The following ACBD5 variants were observed in gnomAD, a reference collection of about 807,000 sequenced individuals.
ACBD5 encodes acyl-CoA-binding domain-containing protein 5.
Under a neutral mutation model 71.8 loss-of-function variants are expected in ACBD5, and 40 were observed. The observed-to-expected ratio is 0.56, with a 90% CI of 0.43 to 0.72. The LOEUF (loss-of-function observed/expected upper bound fraction) is 0.72, where lower values mean the gene tolerates loss of function less well. ACBD5 is among the 30% of genes least tolerant of loss of function. The pLI is 0.00. For missense variants in ACBD5, 559 were observed against 644.5 expected (o/e 0.87, Z 1.44); for synonymous variants, 229 against 218.6 (o/e 1.05, Z -0.42).
chr10:27,209,101 T>C (rs1442293266), intron 9 of ACBD5, among the ~76,000 whole-genome samples: 2 of 152,060 alleles, frequency 1.3e-5, no homozygotes, highest in African/African-American at 4.8e-5. Flanking sequence ...CTTTTTTTTT[T>C]TTAAATAGAG....
At position 27,210,832 on chromosome 10, in the gene ACBD5, T is replaced by C; in HGVS notation, c.1186A>G (p.Asn396Asp). The C allele has an allele frequency of 6.2e-7, 1 of 1,614,168 alleles. No homozygotes were observed. The highest frequency in any genetic ancestry group is 8.5e-7 in the Non-Finnish European group (1 of 1,180,020). ...TCCACACCTCTTCCTCTTCTAACAT[T>C]AGAGAATTCGTCAGTTTCTCCGCCT... ...KRGGETDEFS[N>D]VRRGRGHRMQ... Residue 396 changes from asparagine to aspartate, a missense_variant, in exon 9 of 13, where the codon AAT (asparagine) becomes GAT (aspartate). By Grantham distance (23) the Asn-to-Asp change is conservative. Coordinates refer to ENST00000396271, the MANE Select transcript of ACBD5 (RefSeq NM_145698.5).
In ACBD5 at chr10:27,196,384, C is replaced by G. The variant is rs1765105110; in HGVS notation, c.*1046G>C. On this transcript the variant is annotated 3_prime_UTR_variant, in exon 13 of 13. Coordinates refer to ENST00000396271, the MANE Select transcript of ACBD5 (RefSeq NM_145698.5). ...GGGACTTAAATTTCTGTTAGCTGGGCATGCCTTATTCCTATGGAAGCATTT... is the reference window on the plus strand; with the variant it reads ...GGGACTTAAATTTCTGTTAGCTGGGGATGCCTTATTCCTATGGAAGCATTT... 1 of 454,098 alleles carries G rather than the reference C, an allele frequency of 2.2e-6. No homozygotes were observed. The highest frequency in any genetic ancestry group is 4.4e-6 in the Non-Finnish European group (1 of 226,778). The allele number at this position is 454,098 out of a possible 1,614,324, so 28.1% of individuals were successfully genotyped here. A position where few individuals can be genotyped will look rare whatever the true frequency, so the allele number is the denominator to read the frequency against.
intron 3 of ACBD5, 64 bp from the exon 4 acceptor site, chr10:27,231,884 T>C: frequency 6.9e-7 from 1 of 1,457,582 alleles, no homozygotes. Flanking sequence ...CAGAATACAA[T>C]TTATAGTTGA....
intron 3 of ACBD5, among the ~76,000 whole-genome samples, chr10:27,234,011 T>C (rs1306323457): frequency 6.6e-6 from 1 of 151,762 alleles, no homozygotes; most frequent in Admixed American, 6.6e-5. Flanking sequence ...GCCATTGCAC[T>C]CCAGCCTGGG....
intron 10 of ACBD5, among the ~76,000 whole-genome samples, chr10:27,207,286 CATAATAATAATA>C (rs10676608): frequency 4.1e-5 from 6 of 146,020 alleles, no homozygotes; most frequent in Non-Finnish European, 9.0e-5. Flanking sequence ...AAAAAAAACC[CATAATAATAATA>C]ATAATAATAA....
intron 8 of ACBD5, among the ~76,000 whole-genome samples, chr10:27,214,429 G>T (rs1018237203): frequency 1.3e-5 from 2 of 151,912 alleles, no homozygotes; most frequent in Admixed American, 1.3e-4. Flanking sequence ...TGCCCAGGCT[G>T]GTCTCAAACT....
chr10:27,194,338 C>T (rs1040907268), downstream of ACBD5, among the ~76,000 whole-genome samples: 5 of 150,850 alleles, frequency 3.3e-5, no homozygotes, highest in East Asian at 2.0e-4. Context: ...GGGCTGGGTG[C>T]GGTGACTCAC....
chr10:27,208,655 T>G (rs2060733437), intron 9 of ACBD5, among the ~76,000 whole-genome samples: 1 of 152,082 alleles, frequency 6.6e-6, no homozygotes, highest in Non-Finnish European at 1.5e-5. Context: ...CTGGCCAACA[T>G]GGCAAAACCC....
chr10:27,212,177 C>T (rs1255044037), intron 8 of ACBD5, among the ~76,000 whole-genome samples: 1 of 152,180 alleles, frequency 6.6e-6, no homozygotes, highest in Admixed American at 6.5e-5. Context: ...GACGAGACCC[C>T]GTCTTTACTA....
chr10:27,239,801 C>G (rs1378023404), intron 2 of ACBD5, among the ~76,000 whole-genome samples: 3 of 152,136 alleles, frequency 2.0e-5, no homozygotes, highest in Non-Finnish European at 4.4e-5. Flanking sequence ...GGCTGGAGTG[C>G]AGTGGCACGA....
In ACBD5 at chr10:27,197,367, CA is replaced by C; in HGVS notation, c.*62del. 6.6e-7 allele frequency: 1 copy of C among 1,509,248 alleles called. No individual in the cohort carries two copies. Among genetic ancestry groups the C allele is most frequent in the Admixed American group, 1.7e-5 (1 of 59,476 alleles). The allele number at this position is 1,509,248 out of a possible 1,614,324, so 93.5% of individuals were successfully genotyped here. Reference sequence around the variant, plus strand: ...AACTAAGATTTTCTTGTGAACACCACAATCCAGTTCATTCTGAGGTCATCCA... The same window carrying C: ...AACTAAGATTTTCTTGTGAACACCACATCCAGTTCATTCTGAGGTCATCCA... On this transcript the variant is annotated 3_prime_UTR_variant, in exon 13 of 13. Transcript: ENST00000396271.
intron 7 of ACBD5, among the ~76,000 whole-genome samples, chr10:27,216,036 G>A (rs899482674): frequency 6.6e-5 from 10 of 151,928 alleles, no homozygotes; most frequent in Non-Finnish European, 4.4e-5. Flanking sequence ...CAACACACCT[G>A]GCTAATTTTG....
chr10:27,217,327 G>A (rs1354636350), intron 7 of ACBD5, among the ~76,000 whole-genome samples: 4 of 151,108 alleles, frequency 2.6e-5, no homozygotes, highest in African/African-American at 7.3e-5. Context: ...ATGGTGGCAC[G>A]TGCCTGTTAT....
Position 27,240,790 on chromosome 10 carries a change from G to T in ACBD5, c.-102C>A. ...CAGCCACACCCCCCATTCCGCCGGA[G>T]TCCGTCTGTCAGTCCGTGCCCTCCC... is the stretch of plus-strand genomic sequence containing the variant. On this transcript the variant is annotated 5_prime_UTR_variant, in exon 1 of 13. Coordinates refer to ENST00000396271, the MANE Select transcript of ACBD5 (RefSeq NM_145698.5). The surrounding 1 kb of genome is among the most constrained non-coding windows in gnomAD (Gnocchi z 4.1). The T allele has an allele frequency of 6.6e-7, 1 of 1,516,988 alleles. No individual in the cohort carries two copies. Among genetic ancestry groups the T allele is most frequent in the Non-Finnish European group, 8.9e-7 (1 of 1,118,056 alleles). The allele number at this position is 1,516,988 out of a possible 1,614,324, so 94.0% of individuals were successfully genotyped here. A position where few individuals can be genotyped will look rare whatever the true frequency, so the allele number is the denominator to read the frequency against.
chr10:27,199,431 C>G (rs1471175582), intron 12 of ACBD5, among the ~76,000 whole-genome samples: 1 of 152,082 alleles, frequency 6.6e-6, no homozygotes, highest in Non-Finnish European at 1.5e-5. Flanking sequence ...TTTTCAGGCT[C>G]TTTGTGAGGT....
chr10:27,241,598 T>G (rs2065499923), upstream of ACBD5, among the ~76,000 whole-genome samples: 1 of 152,082 alleles, frequency 6.6e-6, no homozygotes, highest in Non-Finnish European at 1.5e-5. Flanking sequence ...CCGGGCACAG[T>G]GGCTCACGCC....
At chr10:27,222,725 C>T (rs928808765) in intron 5 of ACBD5, among the ~76,000 whole-genome samples, 9 of 151,680 alleles carry the variant, frequency 5.9e-5, no homozygotes, top group African/African-American at 2.2e-4. Context: ...CGTGTGCCAC[C>T]ATGCCTGGCT....
chr10:27,208,757 G>C (rs1198387728), intron 9 of ACBD5, among the ~76,000 whole-genome samples: 2 of 152,120 alleles, frequency 1.3e-5, no homozygotes, highest in African/African-American at 4.8e-5. Context: ...AGAATTGTTT[G>C]AACCCTGGAG....
downstream of ACBD5, among the ~76,000 whole-genome samples, chr10:27,194,949 T>G (rs2059261953): frequency 6.6e-6 from 1 of 152,122 alleles, no homozygotes; most frequent in Non-Finnish European, 1.5e-5. Context: ...TGAGCCGAGA[T>G]CACGCCACTG....
Sources: allele counts gnomAD v4.1 joint callset (sites outside exome capture counted in the v4.1 genomes callset), GRCh38; gene constraint gnomAD v4.1.1; non-coding constraint Gnocchi (gnomAD v3.1); transcripts MANE v1.5; gene names NCBI Gene and HGNC (gene_info 2026-07-23, HGNC 2026-07-21).